The following TRIM44 variants were observed in gnomAD, a reference collection of about 807,000 sequenced individuals.
TRIM44 encodes the protein tripartite motif containing 44, also known as tripartite motif-containing protein 44.
A neutral mutation model predicts 37.4 loss-of-function variants in TRIM44; 13 were observed. That is an observed-to-expected ratio of 0.35 (90% CI 0.23 to 0.55). The LOEUF is 0.55. Ranked by LOEUF, TRIM44 falls within the 20% of genes least tolerant of loss-of-function variation. The pLI, the probability that TRIM44 is intolerant of heterozygous loss-of-function variation, is 0.89. For missense variants in TRIM44, 426 were observed against 437.2 expected (o/e 0.97, Z 0.23); for synonymous variants, 175 against 157.2 (o/e 1.11, Z -0.85).
chr11:35,772,274 T>C (rs575933868), intron 4 of TRIM44, among the ~76,000 whole-genome samples: 1 of 152,214 alleles, frequency 6.6e-6, no homozygotes, highest in Non-Finnish European at 1.5e-5. Flanking sequence ...GGAGAACCTC[T>C]GCTAGGCAGT....
chr11:35,671,905 G>A (rs1184993667), intron 1 of TRIM44, among the ~76,000 whole-genome samples: 2 of 152,122 alleles, frequency 1.3e-5, no homozygotes, highest in African/African-American at 2.4e-5. Flanking sequence ...AAATAGTTAT[G>A]CAGCCCAATT....
At chr11:35,753,150 T>C (rs1002859139) in intron 4 of TRIM44, among the ~76,000 whole-genome samples, 2 of 152,222 alleles carry the variant, frequency 1.3e-5, no homozygotes, top group South Asian at 2.1e-4. Flanking sequence ...TTAGCAGTTA[T>C]TTGTGAGTCT....
At chr11:35,725,557 A>T (rs1428889539) in intron 2 of TRIM44, among the ~76,000 whole-genome samples, 5 of 152,026 alleles carry the variant, frequency 3.3e-5, no homozygotes, top group Admixed American at 3.3e-4. Flanking sequence ...GCTGGTTTCG[A>T]ACTCCTGACC....
rs1853515417 is a variant in TRIM44, at chr11:35,810,501, C to T, written c.*4116C>T. The T allele has an allele frequency of 3.3e-5, 5 of 152,150 alleles. No homozygotes were observed. In the South Asian group the frequency reaches 1.0e-3, roughly 32 times the overall value. 9.4% of individuals were successfully genotyped at this position (152,150 alleles called of 1,614,324 possible). A position where few individuals can be genotyped will look rare whatever the true frequency, so the allele number is the denominator to read the frequency against. ...CCAGCAGTGCTTATGAAGCCCCCTACCCTGTCCCATTCCAGAAACCATAAG... is the reference window on the plus strand; with the variant it reads ...CCAGCAGTGCTTATGAAGCCCCCTATCCTGTCCCATTCCAGAAACCATAAG... On this transcript the variant is annotated 3_prime_UTR_variant, in exon 5 of 5. Coordinates refer to ENST00000299413, the MANE Select transcript of TRIM44 (RefSeq NM_017583.6).
chr11:35,671,067 T>G (rs1697801315), intron 1 of TRIM44, among the ~76,000 whole-genome samples: 1 of 152,234 alleles, frequency 6.6e-6, no homozygotes, highest in Non-Finnish European at 1.5e-5. Flanking sequence ...TTATACTGCA[T>G]TCATTCATTC....
At chr11:35,752,041 A>G (rs74631017) in intron 4 of TRIM44, among the ~76,000 whole-genome samples, 1,637 of 152,230 alleles carry the variant, frequency 0.011, 31 homozygotes, top group African/African-American at 0.038. Flanking sequence ...TGTTCAAAAC[A>G]TAACTCTTGT....
intron 1 of TRIM44, among the ~76,000 whole-genome samples, chr11:35,671,183 G>T (rs1340190908): frequency 6.6e-6 from 1 of 152,168 alleles, no homozygotes; most frequent in Non-Finnish European, 1.5e-5. Context: ...CATTCTGTTG[G>T]AAGGAAGTAG....
chr11:35,667,843 T>G (rs1016224625), intron 1 of TRIM44, among the ~76,000 whole-genome samples: 1 of 152,216 alleles, frequency 6.6e-6, no homozygotes, highest in Non-Finnish European at 1.5e-5. Context: ...GAAGTAGCCT[T>G]ATGTTTTTGG....
intron 1 of TRIM44, among the ~76,000 whole-genome samples, chr11:35,676,071 C>G (rs1258041379): frequency 6.6e-6 from 1 of 152,140 alleles, no homozygotes; most frequent in Non-Finnish European, 1.5e-5. Flanking sequence ...TGAGTCTTAG[C>G]TCTTCCACCT....
intron 4 of TRIM44, among the ~76,000 whole-genome samples, chr11:35,795,426 GATGA>G (rs1454974030): frequency 1.3e-5 from 2 of 152,064 alleles, no homozygotes; most frequent in African/African-American, 2.4e-5. Context: ...CAGTGGAGAA[GATGA>G]ATGGACACAC....
rs1396396415 is a variant in TRIM44 at position 35,713,651 on chromosome 11, A to AAC, written c.748-12271_748-12270dup. On this transcript the variant is annotated intron_variant, in intron 2 of 4. Transcript: ENST00000299413. ...AATGAAAACTTGTGAGGAGATAAGA[A>AAC]ACAGTGGAAGATGATTTTGGGGACT... 2.0e-5 allele frequency among the ~76,000 whole-genome samples: 3 copies of AAC among 152,178 alleles called. 1 individual carries two copies. The highest frequency in any genetic ancestry group is 2.1e-4 in the South Asian group (1 of 4,828).
chr11:35,778,102 G>A (rs1852998984), intron 4 of TRIM44, among the ~76,000 whole-genome samples: 1 of 152,202 alleles, frequency 6.6e-6, no homozygotes, highest in Non-Finnish European at 1.5e-5. Context: ...CCAATCAGAT[G>A]TAGATTTGGT....
intron 4 of TRIM44, among the ~76,000 whole-genome samples, chr11:35,792,062 G>T (rs1853219433): frequency 2.0e-5 from 2 of 99,408 alleles, no homozygotes; most frequent in South Asian, 3.1e-4. Context: ...CCTTCCTGAG[G>T]AGTTGCCCCT....
intron 2 of TRIM44, among the ~76,000 whole-genome samples, chr11:35,704,300 T>G (rs1208896178): frequency 1.3e-5 from 2 of 152,282 alleles, no homozygotes; most frequent in African/African-American, 4.8e-5. Context: ...TACCTGAAAG[T>G]GATGGGGAGA....
intron 2 of TRIM44, among the ~76,000 whole-genome samples, chr11:35,704,808 T>C (rs1043906294): frequency 1.3e-5 from 2 of 152,190 alleles, no homozygotes; most frequent in African/African-American, 2.4e-5. Flanking sequence ...TGCAAAATCA[T>C]GCCAAGTTGT....
intron 2 of TRIM44, among the ~76,000 whole-genome samples, chr11:35,700,089 GA>G (rs1431274892): frequency 6.6e-6 from 1 of 152,106 alleles, no homozygotes; most frequent in Non-Finnish European, 1.5e-5. Context: ...CACAGAACTG[GA>G]AAAAACTACT....
intron 1 of TRIM44, among the ~76,000 whole-genome samples, chr11:35,678,356 C>T (rs1183609484): frequency 2.0e-5 from 3 of 151,894 alleles, no homozygotes; most frequent in Non-Finnish European, 2.9e-5. Flanking sequence ...TTTTAGAGTT[C>T]GGCCTAAAAA....
chr11:35,762,243 T>C (rs1852740156), intron 4 of TRIM44, among the ~76,000 whole-genome samples: 1 of 152,246 alleles, frequency 6.6e-6, no homozygotes, highest in Non-Finnish European at 1.5e-5. Flanking sequence ...CTATTTTCTC[T>C]TTCTTTTTTT....
Position 35,809,245 on chromosome 11 carries a change from C to T in TRIM44, c.*2860C>T, listed in dbSNP as rs1457821299. On this transcript the variant is annotated 3_prime_UTR_variant, in exon 5 of 5. Coordinates refer to ENST00000299413, the MANE Select transcript of TRIM44 (RefSeq NM_017583.6). ...TAAAACAGATGGGGAGTGGAAGAGT[C>T]ATTTGCTTCAAGTTATACAGCTAGG... 2 of 152,158 alleles carry T rather than the reference C, an allele frequency of 1.3e-5. No homozygotes were observed. The highest frequency in any genetic ancestry group is 4.8e-5 in the African/African-American group (2 of 41,448). The allele number at this position is 152,158 out of a possible 1,614,324, so 9.4% of individuals were successfully genotyped here.
Sources: gnomAD v4.1 joint callset for allele counts (sites outside exome capture counted in the v4.1 genomes callset) on GRCh38, gnomAD v4.1.1 for gene constraint, MANE v1.5 for transcripts, NCBI Gene and HGNC (gene_info 2026-07-23, HGNC 2026-07-21) for gene names.